The following OSBPL9 variants were observed in gnomAD, a reference collection of about 807,000 sequenced individuals.
OSBPL9 encodes oxysterol-binding protein-related protein 9.
A neutral mutation model predicts 106.6 loss-of-function variants in OSBPL9; 40 were observed. The ratio of observed to expected loss-of-function variants is 0.38; its 90% CI spans 0.29 to 0.49. OSBPL9 has a LOEUF of 0.49. OSBPL9 is among the 20% of genes least tolerant of loss of function. The pLI, the probability that OSBPL9 is intolerant of heterozygous loss-of-function variation, is 0.97. For synonymous variants in OSBPL9, 269 were observed against 295.4 expected (o/e 0.91, Z 0.92); for missense variants, 609 against 887.2 (o/e 0.69, Z 3.98).
intron 2 of OSBPL9, among the ~76,000 whole-genome samples, chr1:51,656,080 G>A (rs1646796692): frequency 6.6e-6 from 1 of 152,182 alleles, no homozygotes; most frequent in African/African-American, 2.4e-5. Context: ...AGATTATCCA[G>A]GTAATTATGT....
intron 4 of OSBPL9, among the ~76,000 whole-genome samples, chr1:51,738,988 T>C (rs891481540): frequency 6.6e-6 from 1 of 151,978 alleles, no homozygotes; most frequent in Non-Finnish European, 1.5e-5. Context: ...TAGTTTATTA[T>C]TATACTCATG....
intron 4 of OSBPL9, chr1:51,724,926 C>A: frequency 5.8e-6 from 1 of 171,610 alleles, no homozygotes; most frequent in East Asian, 1.6e-4. Context: ...ATTTTTATGC[C>A]ATTTATCCTG....
At chr1:51,564,241 T>C in the OSBPL9 span, among the ~76,000 whole-genome samples, 19 of 152,044 alleles carry the variant, frequency 1.2e-4, no homozygotes, top group Non-Finnish European at 2.9e-5. Flanking sequence ...AAAGAGGCTT[T>C]AAGCACTTCC....
At chr1:51,603,506 C>CT (rs989297701) in intron 2 of OSBPL9, among the ~76,000 whole-genome samples, 2 of 152,230 alleles carry the variant, frequency 1.3e-5, no homozygotes, top group Admixed American at 1.3e-4. Context: ...GTTCATGATA[C>CT]TGCCTCTCTT....
At chr1:51,591,614 G>A (rs528268870) in intron 1 of OSBPL9, among the ~76,000 whole-genome samples, 5 of 152,234 alleles carry the variant, frequency 3.3e-5, no homozygotes, top group South Asian at 2.1e-4. Context: ...CAAAAGCAGC[G>A]TGGCCAACAT....
chr1:51,705,658 G>T (rs191387235), intron 3 of OSBPL9, among the ~76,000 whole-genome samples: 21 of 151,682 alleles, frequency 1.4e-4, no homozygotes, highest in African/African-American at 5.1e-4. Context: ...CAGGTGATCC[G>T]CTGGCCTCAG....
intron 20 of OSBPL9, 72 bp from the exon 21 acceptor site, chr1:51,785,736 G>A (rs1467690471): frequency 2.3e-6 from 3 of 1,315,308 alleles, no homozygotes; most frequent in African/African-American, 2.9e-5. Flanking sequence ...TCTGTAGTTG[G>A]GCCACACTGA....
At chr1:51,524,909 A>T in the OSBPL9 span, among the ~76,000 whole-genome samples, 1 of 152,132 alleles carries the variant, frequency 6.6e-6, no homozygotes, top group African/African-American at 2.4e-5. Flanking sequence ...GTTTCAAAGC[A>T]TTTTCTCCAT....
chr1:51,671,621 C>G (rs559867383), intron 3 of OSBPL9, among the ~76,000 whole-genome samples: 1 of 151,846 alleles, frequency 6.6e-6, no homozygotes, highest in Admixed American at 6.6e-5. Context: ...GTAATCAACA[C>G]GATCAACATG....
chr1:51,652,482 T>C (rs1038863876), intron 2 of OSBPL9, among the ~76,000 whole-genome samples: 1 of 152,194 alleles, frequency 6.6e-6, no homozygotes, highest in Non-Finnish European at 1.5e-5. Flanking sequence ...GTTAGCCACA[T>C]CTATAATTTA....
chr1:51,560,305 A>G, the OSBPL9 span, among the ~76,000 whole-genome samples: 1 of 152,204 alleles, frequency 6.6e-6, no homozygotes, highest in Non-Finnish European at 1.5e-5. Flanking sequence ...TGACAGACCT[A>G]TGTTTGAATC....
chr1:51,674,794 A>G (rs1053096312), intron 3 of OSBPL9, among the ~76,000 whole-genome samples: 6 of 152,236 alleles, frequency 3.9e-5, no homozygotes, highest in Non-Finnish European at 5.9e-5. Flanking sequence ...TATTGAGTCC[A>G]GTAACATACT....
chr1:51,645,388 T>A (rs1462118969), intron 1 of OSBPL9, among the ~76,000 whole-genome samples: 1 of 152,208 alleles, frequency 6.6e-6, no homozygotes, highest in Non-Finnish European at 1.5e-5. Context: ...TTCTCGATAC[T>A]ATACCCCTAC....
intron 4 of OSBPL9, among the ~76,000 whole-genome samples, chr1:51,714,998 T>C (rs1246499738): frequency 1.3e-5 from 2 of 152,226 alleles, no homozygotes; most frequent in Non-Finnish European, 2.9e-5. Context: ...AAGATATTTT[T>C]CTATGTTTAT....
intron 3 of OSBPL9, among the ~76,000 whole-genome samples, chr1:51,684,913 CTTTT>C (rs1215136847): frequency 8.2e-6 from 1 of 122,444 alleles, no homozygotes; most frequent in Non-Finnish European, 1.7e-5. Flanking sequence ...TGCTCTTCTT[CTTTT>C]TTTTTTTTTT....
chr1:51,781,808 C>T, intron 16 of OSBPL9: 1 of 155,000 alleles, frequency 6.5e-6, no homozygotes, highest in Non-Finnish European at 1.4e-5. Context: ...TGGATGTAAG[C>T]AGTGGCAGTG....
intron 6 of OSBPL9, among the ~76,000 whole-genome samples, chr1:51,747,525 T>C (rs897119992): frequency 6.6e-6 from 1 of 151,758 alleles, no homozygotes; most frequent in Non-Finnish European, 1.5e-5. Context: ...ATTGTCTTTT[T>C]TCTAATTAAC....
chr1:51,590,786 G>A (rs569797687), intron 1 of OSBPL9, among the ~76,000 whole-genome samples: 1 of 151,980 alleles, frequency 6.6e-6, no homozygotes, highest in East Asian at 1.9e-4. Flanking sequence ...GTCTCTCTTT[G>A]TTGCCCAGGC....
Position 51,746,758 on chromosome 1 carries a change from G to A in OSBPL9, c.462+1G>A. 1 of 1,605,438 alleles carries A rather than the reference G, an allele frequency of 6.2e-7. No homozygotes were observed. Among genetic ancestry groups the A allele is most frequent in the Non-Finnish European group, 8.5e-7 (1 of 1,176,166 alleles). On this transcript the variant is annotated splice_donor_variant, in intron 6 of 23. Coordinates refer to ENST00000428468, the MANE Select transcript of OSBPL9 (RefSeq NM_024586.6). LOFTEE classifies it high-confidence loss of function. ...CTGCAAAGAAGATGAACAGAGAAAGGTAACTTCCATAACCGTGCTTTTGAC... is the reference window on the plus strand; with the variant it reads ...CTGCAAAGAAGATGAACAGAGAAAGATAACTTCCATAACCGTGCTTTTGAC...
Sources: allele counts gnomAD v4.1 joint callset (sites outside exome capture counted in the v4.1 genomes callset), GRCh38; gene constraint gnomAD v4.1.1; transcripts MANE v1.5; gene names NCBI Gene and HGNC (gene_info 2026-07-23, HGNC 2026-07-21).